Variants in CPM observed in about 807,000 individuals in gnomAD.
CPM encodes renal carboxypeptidase.
A neutral mutation model predicts 46.4 loss-of-function variants in CPM; 35 were observed. The ratio of observed to expected loss-of-function variants is 0.75; its 90% CI spans 0.58 to 1.00. CPM has a LOEUF of 1.00. Ranked by LOEUF, CPM falls within the 50% of genes least tolerant of loss-of-function variation. CPM has a pLI of 0.00. For synonymous variants in CPM, 195 were observed against 195.3 expected, an observed-to-expected ratio of 1.00 and a Z score of 0.01; for missense variants, 422 against 530.4, an observed-to-expected ratio of 0.80 and a Z score of 2.01.
rs35514888 is a variant in CPM, at chr12:68,884,110, GAA to G, written c.258+1680_258+1681del. On this transcript the variant is annotated intron_variant, in intron 3 of 8. Coordinates refer to ENST00000551568, the MANE Select transcript of CPM (RefSeq NM_198320.5). The stretch of plus-strand genomic sequence containing the variant: ...GGGAGACAAGAGCGAAATTCCATCG[GAA>G]AAAAAAAAAAAAAAAAAAAAGCATT... 7.6e-3 allele frequency among the ~76,000 whole-genome samples: 483 copies of G among 63,856 alleles called. 6 individuals are homozygous for G. The highest frequency in any genetic ancestry group is 0.012 in the Admixed American group (54 of 4,512). The allele number at this position is 63,856 out of a possible 152,430, so 41.9% of individuals were successfully genotyped here.
chr12:68,930,893 C>A (rs190875206), intron 2 of CPM, among the ~76,000 whole-genome samples: 1 of 152,324 alleles, frequency 6.6e-6, no homozygotes, highest in East Asian at 1.9e-4. Context: ...TCCTCATCAT[C>A]TTGTGGTTGA....
chr12:68,958,388 C>T (rs537136981), intron 1 of CPM, among the ~76,000 whole-genome samples: 2 of 152,252 alleles, frequency 1.3e-5, no homozygotes, highest in African/African-American at 4.8e-5. Flanking sequence ...TTTTTAAATG[C>T]CTTTTTTAAT....
At position 68,870,346 on chromosome 12, in the gene CPM, T is replaced by C. The variant is rs941428418; in HGVS notation, c.485A>G (p.Tyr162Cys). The C allele has an allele frequency of 5.6e-6, 9 of 1,614,114 alleles. No homozygotes were observed. Among genetic ancestry groups the C allele is most frequent in the Non-Finnish European group, 6.8e-6 (8 of 1,180,034 alleles). The change falls in exon 5 of 9, where the codon TAT (tyrosine) becomes TGT (cysteine). Residue 162 changes from tyrosine to cysteine, a missense_variant. Physicochemically the swap from Tyr to Cys is radical, Grantham distance 194. Coordinates refer to ENST00000551568, the MANE Select transcript of CPM (RefSeq NM_198320.5). Reference protein sequence around the residue: ...LNRNFPDAFEYNNVSRQPETV... With the variant: ...LNRNFPDAFECNNVSRQPETV... ...TTCAGGCTGCCTTGAGACATTATTA[T>C]ATTCAAAAGCATCGGGGAAATTTCG...
intron 2 of CPM, among the ~76,000 whole-genome samples, chr12:68,913,425 C>A (rs552353883): frequency 1.3e-5 from 2 of 152,280 alleles, no homozygotes; most frequent in South Asian, 4.2e-4. Flanking sequence ...ACAGTGGGAT[C>A]TTTTGCCTAA....
At chr12:68,863,513 G>A (rs549844485) in intron 7 of CPM, among the ~76,000 whole-genome samples, 2 of 152,298 alleles carry the variant, frequency 1.3e-5, no homozygotes, top group South Asian at 4.2e-4. Flanking sequence ...CCGAGTTTCA[G>A]TTGAGGTCTG....
intron 2 of CPM, among the ~76,000 whole-genome samples, chr12:68,916,616 C>T (rs1887814897): frequency 6.6e-6 from 1 of 152,116 alleles, no homozygotes; most frequent in Non-Finnish European, 1.5e-5. Context: ...CTGGGCTGGG[C>T]ACGGTGGTGC....
chr12:68,898,785 T>G (rs761914679), intron 2 of CPM, among the ~76,000 whole-genome samples: 2 of 152,240 alleles, frequency 1.3e-5, no homozygotes, highest in Non-Finnish European at 2.9e-5. Context: ...CATGTGGTAT[T>G]GGGCAAATTG....
intron 2 of CPM, among the ~76,000 whole-genome samples, chr12:68,927,097 T>C (rs1288803064): frequency 6.6e-6 from 1 of 151,902 alleles, no homozygotes; most frequent in Non-Finnish European, 1.5e-5. Context: ...GATGGCTGGG[T>C]CAAATGGTAT....
At chr12:68,957,396 T>C in intron 1 of CPM, 1 of 262,256 alleles carries the variant, frequency 3.8e-6, no homozygotes, top group African/African-American at 2.3e-5. Flanking sequence ...ACCATACTGT[T>C]CCTTTAGTAG....
At chr12:68,936,636 A>C (rs1336946657), upstream of CPM, among the ~76,000 whole-genome samples, 1 of 152,170 alleles carries the variant, frequency 6.6e-6, no homozygotes, top group Non-Finnish European at 1.5e-5. Flanking sequence ...TGCCTGCCTC[A>C]GCCTCCCAGA....
At chr12:68,918,396 C>A (rs78416315) in intron 2 of CPM, among the ~76,000 whole-genome samples, 3,151 of 152,254 alleles carry the variant, frequency 0.021, 126 homozygotes, top group African/African-American at 0.072. Context: ...CACTTATATA[C>A]CCAACCGTCT....
intron 7 of CPM, among the ~76,000 whole-genome samples, chr12:68,866,216 CAT>C (rs1429398781): frequency 1.3e-5 from 2 of 152,276 alleles, no homozygotes; most frequent in Middle Eastern, 3.4e-3. Context: ...GACAAGCAAA[CAT>C]AGTATTTTTC....
chr12:68,842,359 A>C (rs1883842573), intron 5 of CPM: 1 of 495,516 alleles, frequency 2.0e-6, no homozygotes. Flanking sequence ...AACAGTTAAC[A>C]GGATGCAGAC....
intron 2 of CPM, among the ~76,000 whole-genome samples, chr12:68,911,686 G>C (rs1887600495): frequency 6.6e-6 from 1 of 152,200 alleles, no homozygotes; most frequent in Non-Finnish European, 1.5e-5. Flanking sequence ...TATTTCCATA[G>C]CACTTATGTG....
chr12:68,941,195 G>GTGTA (rs1888755265), intron 1 of CPM, among the ~76,000 whole-genome samples: 1 of 151,634 alleles, frequency 6.6e-6, no homozygotes, highest in African/African-American at 2.4e-5. Flanking sequence ...GTGTGTGTGT[G>GTGTA]TGTGTGTGTA....
chr12:68,882,024 C>CT lies in CPM; in HGVS notation c.258+3767dup, dbSNP rs60522842. Among the ~76,000 whole-genome samples the CT allele has an allele frequency of 7.3e-3, 913 of 124,694 alleles. 38 individuals carry two copies. Among genetic ancestry groups the CT allele is most frequent in the Middle Eastern group, 0.026 (6 of 228 alleles). The allele number at this position is 124,694 out of a possible 152,430, so 81.8% of individuals were successfully genotyped here. A position where few individuals can be genotyped will look rare whatever the true frequency, so the allele number is the denominator to read the frequency against. ...GGCGTGAGCCACCACGCCCGGCCTG[C>CT]TTTTTTTTTTTTTTTTTTTTTTAAC... On this transcript the variant is annotated intron_variant, in intron 3 of 8. Transcript: ENST00000551568.
At position 68,870,480 on chromosome 12, in the gene CPM, G is replaced by C. The variant is rs529453541; in HGVS notation, c.432-81C>G. The C allele has an allele frequency of 1.0e-4, 131 of 1,267,686 alleles. No individual in the cohort carries two copies. The African/African-American group carries it at 1.5e-3, about 15-fold the overall frequency. The allele number at this position is 1,267,686 out of a possible 1,614,324, so 78.5% of individuals were successfully genotyped here. Reference sequence around the variant, plus strand: ...TTACAGTGTCTTGCCCTTTGGTTTAGGCTCCAGGTGTCTTTCCAAACGTGA... The same window carrying C: ...TTACAGTGTCTTGCCCTTTGGTTTACGCTCCAGGTGTCTTTCCAAACGTGA... On this transcript the variant is annotated intron_variant, in intron 4 of 8. Transcript: ENST00000551568.
intron 1 of CPM, among the ~76,000 whole-genome samples, chr12:68,945,842 C>CTTTCT (rs1888836985): frequency 1.6e-5 from 2 of 126,324 alleles, no homozygotes; most frequent in African/African-American, 6.1e-5. Context: ...TCTTTTCTTT[C>CTTTCT]TTTCTTTTTT....
downstream of CPM, chr12:68,846,545 A>T (rs1884310669): frequency 6.6e-6 from 1 of 152,144 alleles, no homozygotes; most frequent in Non-Finnish European, 1.5e-5. Context: ...AGATCACAGT[A>T]ATATCTCCCT....
Sources: gnomAD v4.1 joint callset for allele counts (sites outside exome capture counted in the v4.1 genomes callset) on GRCh38, gnomAD v4.1.1 for gene constraint, MANE v1.5 for transcripts, NCBI Gene and HGNC (gene_info 2026-07-23, HGNC 2026-07-21) for gene names.